The following NOP56 variants were observed in gnomAD, a reference collection of about 807,000 sequenced individuals.
The protein encoded by NOP56 is nucleolar protein 56.
In NOP56, 31 loss-of-function variants were observed where a neutral mutation model predicts 58.3. That is an observed-to-expected ratio of 0.53 (90% CI 0.40 to 0.72). The LOEUF (loss-of-function observed/expected upper bound fraction) is 0.72, where lower values mean the gene tolerates loss of function less well. Among genes scored for constraint, NOP56 ranks in the 30% least tolerant of loss-of-function variants. The pLI, the probability that NOP56 is intolerant of heterozygous loss-of-function variation, is 0.00. For missense variants in NOP56, 669 were observed against 739.9 expected (o/e 0.90, Z 1.11); for synonymous variants, 313 against 282.8 (o/e 1.11, Z -1.07).
chr20:2,658,373 A>C lies in NOP56; in HGVS notation c.*79A>C. On this transcript the variant is annotated 3_prime_UTR_variant, in exon 12 of 12. Coordinates refer to ENST00000329276, the MANE Select transcript of NOP56 (RefSeq NM_006392.4). ...TTTCCCACCCTGTGCCGTGTTCCCC[A>C]ATAAAAACAAATTCACAAGAGTTGG... The C allele has an allele frequency of 2.5e-6, 4 of 1,609,024 alleles. No homozygotes were observed. The highest frequency in any genetic ancestry group is 3.4e-6 in the Non-Finnish European group (4 of 1,177,768).
rs375732025 is a variant in NOP56, at chr20:2,652,641, C to A, written c.-20C>A. ...GGAGCGCGCTAGCCGCATTGCGAGC[C>A]GAACCCGGGAGCTGGCGCCATGGTG... On this transcript the variant is annotated 5_prime_UTR_variant, in exon 1 of 12. Transcript: ENST00000329276. 84 of 1,411,108 alleles carry A rather than the reference C, an allele frequency of 6.0e-5. 1 individual carries two copies. In the African/African-American group the frequency reaches 1.0e-3, roughly 17 times the overall value. The allele number at this position is 1,411,108 out of a possible 1,614,324, so 87.4% of individuals were successfully genotyped here. A position where few individuals can be genotyped will look rare whatever the true frequency, so the allele number is the denominator to read the frequency against.
At chr20:2,657,848 G>T in intron 11 of NOP56, 81 bp from the exon 12 acceptor site, 1 of 1,449,894 alleles carries the variant, frequency 6.9e-7, no homozygotes, top group Non-Finnish European at 9.3e-7. Context: ...AACGACACGC[G>T]TTCCCCTGCC....
At position 2,653,335 on chromosome 20, in the gene NOP56, C is replaced by A; in HGVS notation, c.150C>A (p.Ala50=). The change falls in exon 3 of 12, where the codon GCC becomes GCA. Residue 50 remains alanine, a synonymous_variant. Transcript: ENST00000329276. ...TCCACAGCATCGTTCGTCTGGTGGC[C>A]TTTTGTCCCTTTGCCTCATCCCAGG... ...GKFHSIVRLV[A]FCPFASSQVA... 1 of 1,614,174 alleles carries A rather than the reference C, an allele frequency of 6.2e-7. No homozygotes were observed. Among genetic ancestry groups the A allele is most frequent in the Non-Finnish European group, 8.5e-7 (1 of 1,180,024 alleles).
chr20:2,655,074 T>A, intron 5 of NOP56, 127 bp downstream of exon 5: 1 of 1,210,442 alleles, frequency 8.3e-7, no homozygotes, highest in South Asian at 1.2e-5. Context: ...GTAGGCCTCC[T>A]GGTGCTTACC....
chr20:2,658,012 CTCTT>C lies in NOP56; in HGVS notation c.1507_1510del (p.Phe503ProfsTer14). ...AGAATGGAATGGAAGACCCATCTAT[CTCTT>C]TCTCCAAACCCAAGAAAAAGAAATC... On this transcript the variant is annotated frameshift_variant, in exon 12 of 12. Coordinates refer to ENST00000329276, the MANE Select transcript of NOP56 (RefSeq NM_006392.4). LOFTEE classifies it low-confidence loss of function (END_TRUNC). The C allele has an allele frequency of 6.2e-7, 1 of 1,613,006 alleles. No homozygotes were observed. Among genetic ancestry groups the C allele is most frequent in the Non-Finnish European group, 8.5e-7 (1 of 1,179,068 alleles).
intron 9 of NOP56, 100 bp from the exon 10 acceptor site, chr20:2,656,674 T>G: frequency 6.2e-7 from 1 of 1,609,566 alleles, no homozygotes; most frequent in Non-Finnish European, 8.5e-7. Flanking sequence ...TAGTGAGTGT[T>G]GAGACTCTGG....
In NOP56 at chr20:2,654,778, A is replaced by C; in HGVS notation, c.400A>C (p.Lys134Gln). The change falls in exon 5 of 12, where the codon AAG (lysine) becomes CAG (glutamine). Residue 134 changes from lysine (K) to glutamine (Q), a missense_variant. Lys to Gln is a moderately conservative substitution (Grantham distance 53). Around this residue, in one of 3 missense-constraint regions of NOP56, gnomAD observed 339 missense variants for 430.5 expected, o/e 0.79. Coordinates refer to ENST00000329276, the MANE Select transcript of NOP56 (RefSeq NM_006392.4). Reference protein sequence around the residue: ...GVRLHFHNLVKGLTDLSACKA... With the variant: ...GVRLHFHNLVQGLTDLSACKA... ...TCGTCTGCACTTCCACAATCTGGTGAAGGGTCTGACCGATCTGTCAGCTTG... is the reference window on the plus strand; with the variant it reads ...TCGTCTGCACTTCCACAATCTGGTGCAGGGTCTGACCGATCTGTCAGCTTG... 1 of 1,614,082 alleles carries C rather than the reference A, an allele frequency of 6.2e-7. No homozygotes were observed. The highest frequency in any genetic ancestry group is 8.5e-7 in the Non-Finnish European group (1 of 1,180,030).
At chr20:2,653,220 A>C (rs2086773791) in intron 2 of NOP56, 59 bp from the exon 3 acceptor site, 1 of 1,366,316 alleles carries the variant, frequency 7.3e-7, no homozygotes, top group Admixed American at 1.7e-5. Context: ...CCGCTGCTTG[A>C]CTGCGCCGCA....
At chr20:2,657,871 T>C (rs1465672126) in intron 11 of NOP56, 58 bp from the exon 12 acceptor site, 3 of 1,511,478 alleles carry the variant, frequency 2.0e-6, no homozygotes, top group African/African-American at 1.4e-5. Flanking sequence ...GGCTACTTAA[T>C]TGCTGAAGAT....
chr20:2,656,481 A>G lies in NOP56; in HGVS notation c.1091A>G (p.Asn364Ser), dbSNP rs1241171818. 14 of 1,614,156 alleles carry G rather than the reference A, an allele frequency of 8.7e-6. No homozygotes were observed. Among genetic ancestry groups the G allele is most frequent in the Non-Finnish European group, 1.1e-5 (13 of 1,180,042 alleles). Residue 364 changes from asparagine to serine, a missense_variant, in exon 9 of 12, where the codon AAC becomes AGC. Transcript: ENST00000329276. ...TTCATTGGCCGAGCAGCTGCCAAGA[A>G]CAAAGGCCGCATCTCCCGATACCTG... ...STFIGRAAAK[N>S]KGRISRYLAN...
In NOP56 at chr20:2,654,526, G is replaced by A; in HGVS notation, c.321G>A (p.Glu107=). The A allele has an allele frequency of 6.2e-7, 1 of 1,614,258 alleles. No homozygotes were observed. The highest frequency in any genetic ancestry group is 8.5e-7 in the Non-Finnish European group (1 of 1,180,048). ...AGATTGGTGCCGCAATACAGGAGGA[G>A]TTAGGGTACAACTGCCAGACTGGAG... ...DPKIGAAIQE[E]LGYNCQTGGV... Residue 107 remains glutamate (E), a synonymous_variant, in exon 4 of 12, where the codon GAG becomes GAA. Coordinates refer to ENST00000329276, the MANE Select transcript of NOP56 (RefSeq NM_006392.4).
At chr20:2,652,701 G>A (rs763567924) in intron 1 of NOP56, 38 bp downstream of exon 1, 10 of 1,464,352 alleles carry the variant, frequency 6.8e-6, no homozygotes, top group Non-Finnish European at 9.0e-6. Context: ...ACGCGACGGT[G>A]GGGGTTTCGG....
chr20:2,653,611 A>T lies in NOP56; in HGVS notation c.208+218A>T, dbSNP rs1600155427. On this transcript the variant is annotated intron_variant, in intron 3 of 11. Coordinates refer to ENST00000329276, the MANE Select transcript of NOP56 (RefSeq NM_006392.4). ...CAAACTGTTTAAGCAGACGATGTGG[A>T]ATGTGTGTTAACGTTTCCTTGTGGG... 10 of 549,234 alleles carry T rather than the reference A, an allele frequency of 1.8e-5. No homozygotes were observed. In the East Asian group the frequency reaches 3.0e-4, roughly 17 times the overall value. The allele number at this position is 549,234 out of a possible 1,614,324, so 34.0% of individuals were successfully genotyped here.
In NOP56 at chr20:2,657,142, A is replaced by G; in HGVS notation, c.1343A>G (p.Lys448Arg). 3 of 1,614,200 alleles carry G rather than the reference A, an allele frequency of 1.9e-6. No individual in the cohort carries two copies. The highest frequency in any genetic ancestry group is 4.5e-5 in the East Asian group (2 of 44,882). Residue 448 changes from lysine to arginine, a missense_variant, in exon 11 of 12, where the codon AAG becomes AGG. Around this residue, in one of 3 missense-constraint regions of NOP56, gnomAD observed 209 missense variants for 196.2 expected, o/e 1.07. Transcript: ENST00000329276. ...KLEKQEKKRL[K>R]KEKKRLAALA... The stretch of plus-strand genomic sequence containing the variant: ...GAGAAACAGGAGAAGAAACGCTTAA[A>G]GAAGGAAAAGAAACGGCTGGCTGCA...
intron 11 of NOP56, chr20:2,657,639 T>C (rs1313383521): frequency 3.9e-6 from 2 of 516,418 alleles, no homozygotes; most frequent in African/African-American, 1.9e-5. Context: ...TCTTAAACAG[T>C]GTTTCAGGGC....
At position 2,652,679 on chromosome 20, in the gene NOP56, G is replaced by A. The variant is rs758384871; in HGVS notation, c.3+16G>A. ...TGGCGCCATGGTGAGGAGTGGTTGCGGGGCGCGGGCGACGCGACGGTGGGG... is the reference window on the plus strand; with the variant it reads ...TGGCGCCATGGTGAGGAGTGGTTGCAGGGCGCGGGCGACGCGACGGTGGGG... On this transcript the variant is annotated intron_variant, in intron 1 of 11. Coordinates refer to ENST00000329276, the MANE Select transcript of NOP56 (RefSeq NM_006392.4). The A allele has an allele frequency of 4.1e-6, 6 of 1,470,718 alleles. No homozygotes were observed. The highest frequency in any genetic ancestry group is 2.6e-5 in the Admixed American group (1 of 38,288). 91.1% of individuals were successfully genotyped at this position (1,470,718 alleles called of 1,614,324 possible). A position where few individuals can be genotyped will look rare whatever the true frequency, so the allele number is the denominator to read the frequency against.
At chr20:2,654,690 C>T (rs984907240) in intron 4 of NOP56, 59 bp from the exon 5 acceptor site, 31 of 1,607,380 alleles carry the variant, frequency 1.9e-5, no homozygotes, top group Admixed American at 1.8e-4. Flanking sequence ...GGCTGGTGCC[C>T]GTGGGTGCGG....
rs753657119 is a variant in NOP56, at chr20:2,656,385, C to G, written c.1011-16C>G. 1 of 1,614,038 alleles carries G rather than the reference C, an allele frequency of 6.2e-7. No homozygotes were observed. Among genetic ancestry groups the G allele is most frequent in the Non-Finnish European group, 8.5e-7 (1 of 1,179,976 alleles). ...GAAATTTCTGATCTTAAACTCTCCA[C>G]TGAATATTCTCTCAGAGCCCTGAAG... is the stretch of plus-strand genomic sequence containing the variant. On this transcript the variant is annotated splice_polypyrimidine_tract_variant and intron_variant, in intron 8 of 11. Coordinates refer to ENST00000329276, the MANE Select transcript of NOP56 (RefSeq NM_006392.4).
At chr20:2,656,286 A>T in intron 8 of NOP56, 115 bp from the exon 9 acceptor site, 2 of 1,605,242 alleles carry the variant, frequency 1.2e-6, no homozygotes, top group Admixed American at 3.3e-5. Flanking sequence ...TAGAGATCCA[A>T]TCTGGCCTGA....
Sources: gnomAD v4.1 joint callset for allele counts on GRCh38, gnomAD v4.1.1 for gene constraint, gnomAD v4.1.1 regional missense constraint, MANE v1.5 for transcripts, NCBI Gene and HGNC (gene_info 2026-07-23, HGNC 2026-07-21) for gene names.